TICRR: variants seen among roughly 807,000 people sequenced by gnomAD.
The protein encoded by TICRR is treslin.
TICRR carries 132 observed loss-of-function variants against 178.1 expected under a neutral mutation model. The ratio of observed to expected loss-of-function variants is 0.74; its 90% CI spans 0.64 to 0.86. The LOEUF is 0.86. TICRR is among the 40% of genes least tolerant of loss of function. TICRR has a pLI of 0.00. For synonymous variants in TICRR, 991 were observed against 900.7 expected, an observed-to-expected ratio of 1.10 and a Z score of -1.79; for missense variants, 2,587 against 2,334.3, an observed-to-expected ratio of 1.11 and a Z score of -2.23.
At chr15:89,616,630 A>G (rs1201977115) in intron 16 of TICRR, 135 bp downstream of exon 16, 2 of 654,804 alleles carry the variant, frequency 3.1e-6, no homozygotes, top group African/African-American at 1.8e-5. Flanking sequence ...AGAGCATTCT[A>G]TAAGCTCTCC....
chr15:89,575,828 A>T lies in TICRR; in HGVS notation c.242A>T (p.Glu81Val). Residue 81 changes from glutamate (E) to valine (V), a missense_variant, in exon 1 of 22, where the codon GAG becomes GTG. Transcript: ENST00000268138. ...RSWEDFEEELEARLEDRAHLP... is the reference protein window; with the variant it reads ...RSWEDFEEELVARLEDRAHLP... ...TGGGAGGACTTTGAGGAGGAGCTGG[A>T]GGCCAGGCTCGAGGATCGCGCCCAC... 6.3e-7 allele frequency: 1 copy of T among 1,597,258 alleles called. No individual in the cohort carries two copies. Among genetic ancestry groups the T allele is most frequent in the East Asian group, 2.3e-5 (1 of 44,166 alleles).
At chr15:89,619,869 C>T (rs1361478929) in intron 18 of TICRR, 27 bp downstream of exon 18, 1 of 1,581,032 alleles carries the variant, frequency 6.3e-7, no homozygotes, top group Admixed American at 1.9e-5. Context: ...TCTGCCTTCA[C>T]AAGTCCGTGC....
chr15:89,584,250 A>T, intron 2 of TICRR, 36 bp from the exon 3 acceptor site: 1 of 1,532,640 alleles, frequency 6.5e-7, no homozygotes, highest in Non-Finnish European at 8.8e-7. Flanking sequence ...TAAAATTTTA[A>T]TTTGGCATCC....
At position 89,595,489 on chromosome 15, in the gene TICRR, A is replaced by G. The variant is rs1358028591; in HGVS notation, c.1778A>G (p.Lys593Arg). Residue 593 changes from lysine to arginine, a missense_variant, in exon 7 of 22, where the codon AAG (lysine) becomes AGG (arginine). By Grantham distance (26) the Lys-to-Arg change is conservative (BLOSUM62 2). Transcript: ENST00000268138. The part of the protein sequence containing the change: ...NVARLNVKAQ[K>R]LHPDGSPDVA... The stretch of plus-strand genomic sequence containing the variant: ...GCAAGGCTGAATGTGAAGGCCCAGA[A>G]GTTACATCCAGATGGCAGTCCGGAT... 6.2e-7 allele frequency: 1 copy of G among 1,614,174 alleles called. No homozygotes were observed. The highest frequency in any genetic ancestry group is 8.5e-7 in the Non-Finnish European group (1 of 1,180,036).
At chr15:89,621,276 C>T in intron 18 of TICRR, 117 bp from the exon 19 acceptor site, 2 of 1,041,338 alleles carry the variant, frequency 1.9e-6, no homozygotes, top group South Asian at 1.7e-5. Context: ...CTGTCTCGGC[C>T]TCCCAAAGTG....
rs59398617 is a variant in TICRR at position 89,609,100 on chromosome 15, C to CTTTTTTTTTTTTTTTTTTTTTTT, written c.2869+157_2869+179dup. On this transcript the variant is annotated intron_variant, in intron 15 of 21. Coordinates refer to ENST00000268138, the MANE Select transcript of TICRR (RefSeq NM_152259.4). ...CTAAAGGTTTGTCAATTTTGTTAAT[C>CTTTTTTTTTTTTTTTTTTTTTTT]TTTTTTTTTTTTTTTTTTTTTTTTT... The CTTTTTTTTTTTTTTTTTTTTTTT allele has an allele frequency of 1.4e-4, 11 of 81,478 alleles. 1 individual carries two copies. The highest frequency in any genetic ancestry group is 9.6e-4 in the African/African-American group (9 of 9,406). 5.0% of individuals were successfully genotyped at this position (81,478 alleles called of 1,614,324 possible).
chr15:89,607,055 A>C (rs1963186341), intron 14 of TICRR, among the ~76,000 whole-genome samples: 1 of 152,190 alleles, frequency 6.6e-6, no homozygotes, highest in African/African-American at 2.4e-5. Context: ...AATTAAAAAA[A>C]ACATCATGAA....
At chr15:89,611,249 T>G (rs1207112826) in intron 15 of TICRR, among the ~76,000 whole-genome samples, 9 of 152,212 alleles carry the variant, frequency 5.9e-5, no homozygotes, top group Non-Finnish European at 1.0e-4. Context: ...CTTTCTACTT[T>G]ATTTGTGAAG....
In TICRR at chr15:89,627,302, T is replaced by A; in HGVS notation, c.*216T>A. On this transcript the variant is annotated 3_prime_UTR_variant, in exon 22 of 22. Transcript: ENST00000268138. ...TTGCAGGAGGAGAGGTGGATGGCAA[T>A]GTGATTGGTGCTATAACTCAGGCAG... The A allele has an allele frequency of 1.7e-6, 1 of 584,180 alleles. No homozygotes were observed. The highest frequency in any genetic ancestry group is 2.4e-5 in the South Asian group (1 of 41,812). The allele number at this position is 584,180 out of a possible 1,614,324, so 36.2% of individuals were successfully genotyped here.
chr15:89,592,388 A>G (rs1198970213), intron 5 of TICRR, among the ~76,000 whole-genome samples: 1 of 152,168 alleles, frequency 6.6e-6, no homozygotes, highest in African/African-American at 2.4e-5. Flanking sequence ...CCTGCCAAAA[A>G]TTCTTTAAAA....
At chr15:89,618,345 A>C (rs961330642) in intron 17 of TICRR, 135 bp downstream of exon 17, 1 of 777,564 alleles carries the variant, frequency 1.3e-6, no homozygotes, top group African/African-American at 1.7e-5. Flanking sequence ...AATGCAGCTC[A>C]GTAAATATTT....
intron 4 of TICRR, among the ~76,000 whole-genome samples, 154 bp downstream of exon 4, chr15:89,586,096 A>G (rs1962818538): frequency 6.6e-6 from 1 of 152,196 alleles, no homozygotes; most frequent in Non-Finnish European, 1.5e-5. Flanking sequence ...AATCATTATT[A>G]TTTATAGAAT....
chr15:89,621,408 C>G lies in TICRR; in HGVS notation c.3170C>G (p.Ser1057Cys). 1 of 1,594,810 alleles carries G rather than the reference C, an allele frequency of 6.3e-7. No individual in the cohort carries two copies. The highest frequency in any genetic ancestry group is 8.5e-7 in the Non-Finnish European group (1 of 1,175,156). The change falls in exon 19 of 22, where the codon TCT (serine) becomes TGT (cysteine). Residue 1057 changes from serine (S) to cysteine (C), a missense_variant. Transcript: ENST00000268138. ...QQDKSDQREN[S>C]PVQSIRSPKS... is the part of the protein sequence containing the mutation. The stretch of plus-strand genomic sequence containing the variant: ...TGACTTGCAGACCAAAGAGAAAATT[C>G]TCCAGTCCAAAGTATTCGGTCTCCC...
At chr15:89,595,690 T>C in intron 7 of TICRR, 79 bp downstream of exon 7, 1 of 1,024,468 alleles carries the variant, frequency 9.8e-7, no homozygotes, top group Non-Finnish European at 1.4e-6. Flanking sequence ...CTTAGTTTAT[T>C]GACTATCTGC....
chr15:89,621,355 A>G, intron 18 of TICRR, 38 bp from the exon 19 acceptor site: 1 of 1,578,228 alleles, frequency 6.3e-7, no homozygotes, highest in Middle Eastern at 1.7e-4. Flanking sequence ...ACAGGAATTG[A>G]GAAAGAATTA....
chr15:89,616,534 C>CA, intron 16 of TICRR, 39 bp downstream of exon 16: 1 of 1,560,996 alleles, frequency 6.4e-7, no homozygotes, highest in South Asian at 1.1e-5. Flanking sequence ...CATACACCCA[C>CA]ACCACCTCAA....
At chr15:89,614,240 AT>A (rs575287173) in intron 15 of TICRR, among the ~76,000 whole-genome samples, 1 of 150,946 alleles carries the variant, frequency 6.6e-6, no homozygotes, top group Non-Finnish European at 1.5e-5. Flanking sequence ...CTGTTGGCTG[AT>A]TTTTTTTCCC....
At position 89,625,287 on chromosome 15, in the gene TICRR, A is replaced by G. The variant is rs139222204; in HGVS notation, c.4977A>G (p.Pro1659=). The change falls in exon 20 of 22, where the codon CCA becomes CCG. Residue 1659 remains proline (P), a synonymous_variant. Coordinates refer to ENST00000268138, the MANE Select transcript of TICRR (RefSeq NM_152259.4). ...PTHGPSSTPS[P]FQTDGVPWTP... ...ACGGCCCTTCTAGTACCCCCTCTCC[A>G]TTTCAAACAGATGGGGTTCCTTGGA... 1.2e-5 allele frequency: 19 copies of G among 1,613,194 alleles called. No individual in the cohort carries two copies. Among genetic ancestry groups the G allele is most frequent in the Non-Finnish European group, 1.6e-5 (19 of 1,179,728 alleles).
In TICRR at chr15:89,621,533, G is replaced by T. The variant is rs1367097724; in HGVS notation, c.3295G>T (p.Val1099Leu). Residue 1099 changes from valine (V) to leucine (L), a missense_variant, in exon 19 of 22, where the codon GTA (valine) becomes TTA (leucine). Physicochemically the swap from Val to Leu is conservative, Grantham distance 32 (BLOSUM62 1). Coordinates refer to ENST00000268138, the MANE Select transcript of TICRR (RefSeq NM_152259.4). ...TTCAAGAAACACTTTGGATTCGGAG[G>T]TACCTGCAGCTTACCAGGTATAATG... ...KRSRNTLDSE[V>L]PAAYQTPKKS... The T allele has an allele frequency of 6.2e-7, 1 of 1,612,060 alleles. No individual in the cohort carries two copies. The highest frequency in any genetic ancestry group is 8.5e-7 in the Non-Finnish European group (1 of 1,179,496).
Sources: gnomAD v4.1 joint callset for allele counts (sites outside exome capture counted in the v4.1 genomes callset) on GRCh38, gnomAD v4.1.1 for gene constraint, MANE v1.5 for transcripts, NCBI Gene and HGNC (gene_info 2026-07-23, HGNC 2026-07-21) for gene names.